Variants in GPT observed in about 807,000 individuals in gnomAD.
The protein encoded by GPT is glutamic--pyruvic transaminase.
Under a neutral mutation model 51.4 loss-of-function variants are expected in GPT, and 60 were observed. The observed-to-expected ratio is 1.17, with a 90% CI of 0.95 to 1.45. GPT has a LOEUF of 1.45. Ranked by LOEUF, GPT falls within the 40% of genes most tolerant of loss-of-function variation. The pLI, the probability that GPT is intolerant of heterozygous loss-of-function variation, is 0.00. For synonymous variants in GPT, 397 were observed against 303.1 expected (o/e 1.31, Z -3.22); for missense variants, 853 against 704.0 (o/e 1.21, Z -2.40).
At position 144,504,411 on chromosome 8, in the gene GPT, C is replaced by T; in HGVS notation, c.107C>T (p.Ala36Val). The change falls in exon 1 of 11, where the codon GCA becomes GTA. Residue 36 changes from alanine to valine, a missense_variant. Coordinates refer to ENST00000394955, the MANE Select transcript of GPT (RefSeq NM_005309.3). ...CCGCGTGTGCGGAGAGTGGAGTACG[C>T]AGTGCGTGGCCCCATAGTGCAGCGA... ...MNPRVRRVEY[A>V]VRGPIVQRAL... 2 of 1,611,526 alleles carry T rather than the reference C, an allele frequency of 1.2e-6. No homozygotes were observed. The highest frequency in any genetic ancestry group is 1.7e-6 in the Non-Finnish European group (2 of 1,179,940).
chr8:144,506,994 C>T lies in GPT; in HGVS notation c.1485C>T (p.Tyr495=), dbSNP rs1826846807. 1.2e-6 allele frequency: 2 copies of T among 1,611,144 alleles called. No individual in the cohort carries two copies. Among genetic ancestry groups the T allele is most frequent in the Non-Finnish European group, 1.7e-6 (2 of 1,178,586 alleles). Residue 495 remains tyrosine, a synonymous_variant, in exon 11 of 11, where the codon TAC becomes TAT. Transcript: ENST00000394955. This position sits in a 1 kb window ranked among gnomAD's most constrained non-coding sequence, Gnocchi z 7.0. ...SRFHAKFTLE[Y]S ...TCCATGCCAAGTTCACCCTCGAGTA[C>T]TCCTGAGCACCCCAGCTGGGGCCAG...
Position 144,506,328 on chromosome 8 carries a change from G to T in GPT, c.1053G>T (p.Pro351=), listed in dbSNP as rs780112950. ...LKLMSVRLCP[P]VPGQALLDLV... Reference sequence around the variant, plus strand: ...TGATGAGTGTGCGGCTGTGCCCGCCGGTGCCAGGACAGGCCCTGCTGGACC... The same window carrying T: ...TGATGAGTGTGCGGCTGTGCCCGCCTGTGCCAGGACAGGCCCTGCTGGACC... Residue 351 remains proline (P), a synonymous_variant, in exon 8 of 11, where the codon CCG becomes CCT. Transcript: ENST00000394955. This position sits in a 1 kb window ranked among gnomAD's most constrained non-coding sequence, Gnocchi z 7.0. 1.3e-6 allele frequency: 2 copies of T among 1,581,928 alleles called. No homozygotes were observed. Among genetic ancestry groups the T allele is most frequent in the Admixed American group, 3.6e-5 (2 of 55,980 alleles).
chr8:144,505,368 C>T lies in GPT; in HGVS notation c.618C>T (p.Tyr206=), dbSNP rs1331153221. The T allele has an allele frequency of 1.3e-6, 2 of 1,584,948 alleles. No homozygotes were observed. The highest frequency in any genetic ancestry group is 4.6e-5 in the East Asian group (2 of 43,462). ...LAELGAVQVD[Y]YLDEERAWAL... ...AGCTGGGCGCAGTGCAGGTGGATTA[C>T]TACCTGGACGAGGAGCGTGCCTGGG... The change falls in exon 5 of 11, where the codon TAC becomes TAT. Residue 206 remains tyrosine, a synonymous_variant. Transcript: ENST00000394955.
At chr8:144,505,178 G>T in intron 4 of GPT, 47 bp downstream of exon 4, 1 of 1,612,756 alleles carries the variant, frequency 6.2e-7, no homozygotes, top group Non-Finnish European at 8.5e-7. Flanking sequence ...TGCAGAGGGG[G>T]CGCCCAGGGT....
Position 144,506,366 on chromosome 8 carries a change from C to T in GPT, c.1091C>T (p.Pro364Leu), listed in dbSNP as rs773828325. 17 of 1,563,766 alleles carry T rather than the reference C, an allele frequency of 1.1e-5. No homozygotes were observed. The highest frequency in any genetic ancestry group is 1.4e-5 in the African/African-American group (1 of 73,998). The change falls in exon 8 of 11, where the codon CCG becomes CTG. Residue 364 changes from proline (P) to leucine (L), a missense_variant. By Grantham distance (98) the Pro-to-Leu change is moderately conservative. Coordinates refer to ENST00000394955, the MANE Select transcript of GPT (RefSeq NM_005309.3). The surrounding 1 kb of genome is among the most constrained non-coding windows in gnomAD (Gnocchi z 7.0). ...GCCCTGCTGGACCTGGTGGTCAGCC[C>T]GCCCGCGCCCACCGACCCCTCCTTT... ...GQALLDLVVSPPAPTDPSFAQ... is the reference protein window; with the variant it reads ...GQALLDLVVSLPAPTDPSFAQ...
chr8:144,505,034 G>T lies in GPT; in HGVS notation c.398G>T (p.Arg133Leu), dbSNP rs770554695. The change falls in exon 4 of 11, where the codon CGG becomes CTG. Residue 133 changes from arginine to leucine, a missense_variant. Transcript: ENST00000394955. ...YSVSSGIQLI[R>L]EDVARYIERR... is the part of the protein sequence containing the mutation. ...GTCAGCTCCGGCATCCAGCTGATCC[G>T]GGAGGACGTGGCGCGGTACATTGAG... 2 of 1,613,148 alleles carry T rather than the reference G, an allele frequency of 1.2e-6. No homozygotes were observed. The highest frequency in any genetic ancestry group is 1.3e-5 in the African/African-American group (1 of 75,046).
rs1320734947 is a variant in GPT, at chr8:144,506,683, TGGGCAGGG to T, written c.1287+31_1288-37del. ...TCAGGCGGGGGCGGGGCCTGCGGGGTGGGCAGGGGGGGCCGGGCATCCCTCTCTGACGG... is the reference window on the plus strand; with the variant it reads ...TCAGGCGGGGGCGGGGCCTGCGGGGTGGGGCCGGGCATCCCTCTCTGACGG... On this transcript the variant is annotated intron_variant, in intron 9 of 10. Transcript: ENST00000394955. This position sits in a 1 kb window ranked among gnomAD's most constrained non-coding sequence, Gnocchi z 7.0. The T allele has an allele frequency of 6.0e-6, 4 of 665,494 alleles. No homozygotes were observed. The highest frequency in any genetic ancestry group is 9.6e-6 in the Non-Finnish European group (4 of 415,760). 41.2% of individuals were successfully genotyped at this position (665,494 alleles called of 1,614,324 possible). A position where few individuals can be genotyped will look rare whatever the true frequency, so the allele number is the denominator to read the frequency against.
Position 144,504,348 on chromosome 8 carries a change from G to A in GPT, c.44G>A (p.Gly15Glu), listed in dbSNP as rs762452001. The A allele has an allele frequency of 5.6e-6, 9 of 1,610,886 alleles. No individual in the cohort carries two copies. Among genetic ancestry groups the A allele is most frequent in the Non-Finnish European group, 5.9e-6 (7 of 1,179,932 alleles). ...GACCGGAGCCAGGCGGTGAGGCATG[G>A]ACTGAGGGCGAAGGTGCTGACGCTG... Reference protein sequence around the residue: ...TGDRSQAVRHGLRAKVLTLDG... With the variant: ...TGDRSQAVRHELRAKVLTLDG... The change falls in exon 1 of 11, where the codon GGA (glycine) becomes GAA (glutamate). Residue 15 changes from glycine to glutamate, a missense_variant. Physicochemically the swap from Gly to Glu is moderately conservative, Grantham distance 98 (BLOSUM62 -2). Transcript: ENST00000394955.
Position 144,505,946 on chromosome 8 carries a change from CG to C in GPT, c.819+22del, listed in dbSNP as rs1343108419. Reference sequence around the variant, plus strand: ...GGACGAGGTGCGCGGCGCGGGGGAGCGGGAAGCCGGGCAACAGTCCGCCCCC... The same window carrying C: ...GGACGAGGTGCGCGGCGCGGGGGAGCGGAAGCCGGGCAACAGTCCGCCCCC... On this transcript the variant is annotated intron_variant, in intron 6 of 10. Transcript: ENST00000394955. The C allele has an allele frequency of 1.2e-6, 2 of 1,611,438 alleles. No individual in the cohort carries two copies. The highest frequency in any genetic ancestry group is 1.7e-6 in the Non-Finnish European group (2 of 1,179,396).
chr8:144,506,181 C>T lies in GPT; in HGVS notation c.956+50C>T, dbSNP rs1453875949. The stretch of plus-strand genomic sequence containing the variant: ...GGCTCGCGGGCCATGGCCAGGCCCT[C>T]CTCGCCCGATGGGCCACCCCCTCCT... On this transcript the variant is annotated intron_variant, in intron 7 of 10. Coordinates refer to ENST00000394955, the MANE Select transcript of GPT (RefSeq NM_005309.3). The surrounding 1 kb of genome is among the most constrained non-coding windows in gnomAD (Gnocchi z 7.0). The T allele has an allele frequency of 6.2e-7, 1 of 1,602,528 alleles. No individual in the cohort carries two copies. The highest frequency in any genetic ancestry group is 8.5e-7 in the Non-Finnish European group (1 of 1,175,560).
Position 144,504,603 on chromosome 8 carries a change from G to A in GPT, c.163-1G>A. The A allele has an allele frequency of 6.2e-7, 1 of 1,612,978 alleles. No individual in the cohort carries two copies. On this transcript the variant is annotated splice_acceptor_variant, in intron 1 of 10. Coordinates refer to ENST00000394955, the MANE Select transcript of GPT (RefSeq NM_005309.3). LOFTEE classifies it high-confidence loss of function. ...CCCTGCCTGCTCCCCTCCCCTCCCA[G>A]GGTGTGAAGAAGCCTTTCACCGAGG...
rs767067083 is a variant in GPT at position 144,506,224 on chromosome 8, G to C, written c.957-8G>C. 6.2e-7 allele frequency: 1 copy of C among 1,605,926 alleles called. No individual in the cohort carries two copies. Among genetic ancestry groups the C allele is most frequent in the African/African-American group, 1.3e-5 (1 of 74,994 alleles). ...CCCCTCCTCCGCACCTGACCTGGCC[G>C]TGCGCAGGTGCGGGTTCCGCGGCGG... On this transcript the variant is annotated splice_region_variant and splice_polypyrimidine_tract_variant and intron_variant, in intron 7 of 10. Coordinates refer to ENST00000394955, the MANE Select transcript of GPT (RefSeq NM_005309.3). The surrounding 1 kb of genome is among the most constrained non-coding windows in gnomAD (Gnocchi z 7.0).
Position 144,505,359 on chromosome 8 carries a change from G to A in GPT, c.609G>A (p.Gln203=), listed in dbSNP as rs1377720095. 6.3e-7 allele frequency: 1 copy of A among 1,581,348 alleles called. No individual in the cohort carries two copies. The highest frequency in any genetic ancestry group is 1.8e-5 in the Admixed American group (1 of 54,952). The change falls in exon 5 of 11, where the codon CAG becomes CAA. Residue 203 remains glutamine, a synonymous_variant. Coordinates refer to ENST00000394955, the MANE Select transcript of GPT (RefSeq NM_005309.3). ...CGCTGGCAGAGCTGGGCGCAGTGCA[G>A]GTGGATTACTACCTGGACGAGGAGC... The part of the protein sequence containing the change: ...SATLAELGAV[Q]VDYYLDEERA...
chr8:144,504,051 GCCT>G, upstream of GPT: 1 of 563,114 alleles, frequency 1.8e-6, no homozygotes, highest in Non-Finnish European at 3.2e-6. Context: ...CTCACCCACT[GCCT>G]CTGCCTCCCT....
At position 144,504,627 on chromosome 8, in the gene GPT, G is replaced by A. The variant is rs748820435; in HGVS notation, c.186G>A (p.Glu62=). ...LRQGVKKPFT[E]VIRANIGDAQ... is the part of the protein sequence containing the mutation. ...AGGGTGTGAAGAAGCCTTTCACCGA[G>A]GTCATCCGTGCCAACATCGGGGACG... Residue 62 remains glutamate, a synonymous_variant, in exon 2 of 11, where the codon GAG becomes GAA. Transcript: ENST00000394955. 6.8e-6 allele frequency: 11 copies of A among 1,613,106 alleles called. No homozygotes were observed. Among genetic ancestry groups the A allele is most frequent in the Non-Finnish European group, 9.3e-6 (11 of 1,180,004 alleles).
In GPT at chr8:144,504,836, A is replaced by C. The variant is rs945683889; in HGVS notation, c.318A>C (p.Lys106Asn). Residue 106 changes from lysine (K) to asparagine (N), a missense_variant, in exon 3 of 11, where the codon AAA becomes AAC. By Grantham distance (94) the Lys-to-Asn change is moderately conservative (BLOSUM62 0). Transcript: ENST00000394955. ...CCAACTTCCCTGACGATGCCAAGAA[A>C]AGGGCGGAGCGCATCTTGCAGGCGT... ...SSPNFPDDAKKRAERILQACG... is the reference protein window; with the variant it reads ...SSPNFPDDAKNRAERILQACG... 1.9e-6 allele frequency: 3 copies of C among 1,613,448 alleles called. No individual in the cohort carries two copies. The African/African-American group carries it at 4.0e-5, about 22-fold the overall frequency.
chr8:144,506,472 C>T lies in GPT; in HGVS notation c.1132-29C>T. ...GGGTGGGGGATGCCGAGTGCCGTGC[C>T]CTGATGGGCCCTCCCTCCGCGGCCA... On this transcript the variant is annotated intron_variant, in intron 8 of 10. Coordinates refer to ENST00000394955, the MANE Select transcript of GPT (RefSeq NM_005309.3). This position sits in a 1 kb window ranked among gnomAD's most constrained non-coding sequence, Gnocchi z 7.0. 6.3e-7 allele frequency: 1 copy of T among 1,584,906 alleles called. No individual in the cohort carries two copies. The highest frequency in any genetic ancestry group is 1.1e-5 in the South Asian group (1 of 86,982).
At chr8:144,505,966 C>A in intron 6 of GPT, 29 bp from the exon 7 acceptor site, 1 of 1,612,116 alleles carries the variant, frequency 6.2e-7, no homozygotes, top group East Asian at 2.2e-5. Context: ...GGCAACAGTC[C>A]GCCCCCGTGA....
In GPT at chr8:144,505,486, A is replaced by C. The variant is rs750442911; in HGVS notation, c.736A>C (p.Thr246Pro). Residue 246 changes from threonine (T) to proline (P), a missense_variant, in exon 5 of 11, where the codon ACC (threonine) becomes CCC (proline). By Grantham distance (38) the Thr-to-Pro change is conservative (BLOSUM62 -1). Transcript: ENST00000394955. ...ALCVINPGNP[T>P]GQVQTRECIE... is the part of the protein sequence containing the mutation. ...CTGTGTCATCAACCCTGGCAACCCC[A>C]CCGGTGCGTTCCCCGCCGCCCCGCC... The C allele has an allele frequency of 1.3e-6, 2 of 1,568,062 alleles. No individual in the cohort carries two copies. The highest frequency in any genetic ancestry group is 8.6e-7 in the Non-Finnish European group (1 of 1,161,410).
Sources: gnomAD v4.1 joint callset for allele counts on GRCh38, gnomAD v4.1.1 for gene constraint, Gnocchi (gnomAD v3.1) non-coding constraint, MANE v1.5 for transcripts, NCBI Gene and HGNC (gene_info 2026-07-23, HGNC 2026-07-21) for gene names.